THSD7A: variants seen among roughly 807,000 people sequenced by gnomAD.
The protein encoded by THSD7A is thrombospondin type-1 domain-containing protein 7A.
THSD7A carries 96 observed loss-of-function variants against 231.3 expected under a neutral mutation model. The ratio of observed to expected loss-of-function variants is 0.41; its 90% CI spans 0.35 to 0.49. THSD7A has a LOEUF of 0.49. THSD7A is among the 20% of genes least tolerant of loss of function. THSD7A has a pLI of 0.05. For missense variants in THSD7A, 2,290 were observed against 2,070.2 expected (o/e 1.11, Z -2.06); for synonymous variants, 940 against 743.3 (o/e 1.26, Z -4.30).
At chr7:11,549,440 A>T (rs535561556) in intron 4 of THSD7A, among the ~76,000 whole-genome samples, 64 of 152,322 alleles carry the variant, frequency 4.2e-4, no homozygotes, top group African/African-American at 1.5e-3. Flanking sequence ...ATATACCCAG[A>T]TGAATATAAA....
intron 1 of THSD7A, among the ~76,000 whole-genome samples, chr7:11,780,233 A>G (rs1454446452): frequency 4.6e-5 from 7 of 152,086 alleles, no homozygotes; most frequent in East Asian, 1.9e-4. Context: ...TTTCCTCCCA[A>G]TGGGCCCACC....
chr7:11,545,960 C>G (rs990104641), intron 4 of THSD7A, among the ~76,000 whole-genome samples: 4 of 152,152 alleles, frequency 2.6e-5, no homozygotes, highest in Non-Finnish European at 5.9e-5. Flanking sequence ...CTCAGCACCC[C>G]CTATCTTCCA....
intron 1 of THSD7A, among the ~76,000 whole-genome samples, chr7:11,734,546 G>A (rs1249494076): frequency 6.6e-6 from 1 of 151,814 alleles, no homozygotes; most frequent in Non-Finnish European, 1.5e-5. Context: ...AATAAAATTA[G>A]CACCTCCATA....
chr7:11,681,121 T>C (rs1783852421), intron 1 of THSD7A, among the ~76,000 whole-genome samples: 1 of 152,072 alleles, frequency 6.6e-6, no homozygotes, highest in Admixed American at 6.6e-5. Context: ...AAACGCTGCA[T>C]CTTCTCACTT....
intron 1 of THSD7A, among the ~76,000 whole-genome samples, chr7:11,702,609 G>T (rs1017085390): frequency 1.3e-5 from 2 of 151,174 alleles, no homozygotes; most frequent in African/African-American, 4.8e-5. Context: ...AGTTTTAATT[G>T]TTTCTACAAA....
intron 24 of THSD7A, among the ~76,000 whole-genome samples, chr7:11,381,651 G>A (rs1782521365): frequency 6.6e-6 from 1 of 152,172 alleles, no homozygotes; most frequent in African/African-American, 2.4e-5. Flanking sequence ...CTGTTGCTAT[G>A]CTATGGCAAT....
chr7:11,492,824 A>T (rs982244595), intron 6 of THSD7A, among the ~76,000 whole-genome samples: 28 of 150,828 alleles, frequency 1.9e-4, no homozygotes, highest in African/African-American at 6.8e-4. Flanking sequence ...AACCCCATGT[A>T]AAAACACAAA....
intron 1 of THSD7A, among the ~76,000 whole-genome samples, chr7:11,666,695 A>T (rs1293644395): frequency 6.6e-6 from 1 of 151,190 alleles, no homozygotes; most frequent in Non-Finnish European, 1.5e-5. Context: ...ATTCCTTAAG[A>T]AATTATGCTA....
At chr7:11,565,763 G>A (rs16876975) in intron 4 of THSD7A, among the ~76,000 whole-genome samples, 3,582 of 152,152 alleles carry the variant, frequency 0.024, 122 homozygotes, top group African/African-American at 0.082. Context: ...CTTTTTAGTT[G>A]ATCAGAGTCC....
chr7:11,667,091 G>A (rs1783164971), intron 1 of THSD7A, among the ~76,000 whole-genome samples: 1 of 151,962 alleles, frequency 6.6e-6, no homozygotes, highest in South Asian at 2.1e-4. Flanking sequence ...GGGTACAGGT[G>A]GTTTTTGATT....
At chr7:11,763,478 G>A (rs1005533563) in intron 1 of THSD7A, among the ~76,000 whole-genome samples, 1 of 151,932 alleles carries the variant, frequency 6.6e-6, no homozygotes, top group Non-Finnish European at 1.5e-5. Flanking sequence ...ATATATCCAT[G>A]TACACATATA....
intron 16 of THSD7A, among the ~76,000 whole-genome samples, chr7:11,418,502 A>G (rs1195236960): frequency 6.6e-6 from 1 of 152,176 alleles, no homozygotes; most frequent in Non-Finnish European, 1.5e-5. Context: ...AACTTAATGG[A>G]TTTAGGAACA....
intron 1 of THSD7A, among the ~76,000 whole-genome samples, chr7:11,655,252 A>T (rs1243273715): frequency 6.6e-6 from 1 of 151,898 alleles, no homozygotes; most frequent in Non-Finnish European, 1.5e-5. Flanking sequence ...TTTATTTTAG[A>T]ATCTGTGATT....
At chr7:11,740,628 G>A (rs1388856695) in intron 1 of THSD7A, among the ~76,000 whole-genome samples, 3 of 151,760 alleles carry the variant, frequency 2.0e-5, no homozygotes, top group Non-Finnish European at 2.9e-5. Flanking sequence ...TGCCTCCCTT[G>A]GGTCATTCTG....
chr7:11,612,094 G>C (rs1030813827), intron 2 of THSD7A, among the ~76,000 whole-genome samples: 12 of 152,102 alleles, frequency 7.9e-5, no homozygotes, highest in African/African-American at 2.9e-4. Context: ...AAAGAGTCCA[G>C]ATTCTGGCTT....
chr7:11,468,543 C>A (rs1785801617), intron 9 of THSD7A, among the ~76,000 whole-genome samples: 1 of 152,078 alleles, frequency 6.6e-6, no homozygotes, highest in African/African-American at 2.4e-5. Flanking sequence ...TAAAAGACTC[C>A]TAAATAAAAA....
Position 11,636,895 on chromosome 7 carries a change from C to T in THSD7A, c.257G>A (p.Cys86Tyr), listed in dbSNP as rs1270820884. 1 of 1,613,810 alleles carries T rather than the reference C, an allele frequency of 6.2e-7. No individual in the cohort carries two copies. The highest frequency in any genetic ancestry group is 8.5e-7 in the Non-Finnish European group (1 of 1,179,872). Residue 86 changes from cysteine to tyrosine, a missense_variant, in exon 2 of 28, where the codon TGT becomes TAT. By Grantham distance (194) the Cys-to-Tyr change is radical. Transcript: ENST00000423059. The surrounding 1 kb of genome is among the most constrained non-coding windows in gnomAD (Gnocchi z 10.0). ...TGTAGTCCATCCCTCCACATGAGCA[C>T]ACCACACAGCCCTCGTTTGGATGCC... ...PGGIQTRAVWCAHVEGWTTLH... is the reference protein window; with the variant it reads ...PGGIQTRAVWYAHVEGWTTLH...
intron 1 of THSD7A, among the ~76,000 whole-genome samples, chr7:11,775,974 T>C (rs762189640): frequency 6.6e-6 from 1 of 152,198 alleles, no homozygotes; most frequent in Non-Finnish European, 1.5e-5. Flanking sequence ...CTCACTATTA[T>C]AATTATAAAG....
At chr7:11,826,047 T>A (rs1055801280) in intron 1 of THSD7A, among the ~76,000 whole-genome samples, 1 of 152,204 alleles carries the variant, frequency 6.6e-6, no homozygotes, top group Admixed American at 6.5e-5. Flanking sequence ...TGCAGAGTAA[T>A]AAGTACTATT....
Sources: allele counts gnomAD v4.1 joint callset (sites outside exome capture counted in the v4.1 genomes callset), GRCh38; gene constraint gnomAD v4.1.1; non-coding constraint Gnocchi (gnomAD v3.1); transcripts MANE v1.5; gene names NCBI Gene and HGNC (gene_info 2026-07-23, HGNC 2026-07-21).